NDUFS8: variants seen among roughly 807,000 people sequenced by gnomAD.
NDUFS8 encodes NADH:ubiquinone oxidoreductase core subunit S8.
A neutral mutation model predicts 25.6 loss-of-function variants in NDUFS8; 13 were observed. That is an observed-to-expected ratio of 0.51 (90% CI 0.33 to 0.81). NDUFS8 has a LOEUF of 0.81. Among genes scored for constraint, NDUFS8 ranks in the 30% least tolerant of loss-of-function variants. The pLI, the probability that NDUFS8 is intolerant of heterozygous loss-of-function variation, is 0.02. For missense variants in NDUFS8, 257 were observed against 300.9 expected (o/e 0.85, Z 1.08); for synonymous variants, 119 against 119.4 (o/e 1.00, Z 0.02).
rs191560418 is a variant in NDUFS8, at chr11:68,034,946, G to A, written c.373-1307G>A. ...TAGCCGGGTGTGGGGTTGCACACCT[G>A]TAGTCCCAGCTACTCAAGAGGCTGA... On this transcript the variant is annotated intron_variant, in intron 5 of 6. Coordinates refer to ENST00000313468, the MANE Select transcript of NDUFS8 (RefSeq NM_002496.4). 7.2e-4 allele frequency: 109 copies of A among 152,068 alleles called. 1 individual carries two copies. The highest frequency in any genetic ancestry group is 1.1e-3 in the Non-Finnish European group (77 of 68,016). The allele number at this position is 152,068 out of a possible 1,614,324, so 9.4% of individuals were successfully genotyped here.
At chr11:68,032,622 G>A in intron 3 of NDUFS8, 1 of 1,139,874 alleles carries the variant, frequency 8.8e-7, no homozygotes, top group Non-Finnish European at 1.2e-6. Context: ...CCCTGGTGAA[G>A]GCAAAGGCTC....
chr11:68,031,677 A>G (rs1854769703), intron 1 of NDUFS8: 2 of 272,042 alleles, frequency 7.4e-6, no homozygotes, highest in Non-Finnish European at 1.5e-5. Context: ...ACTGAGTCCC[A>G]GCGCCTTATT....
chr11:68,030,853 G>A (rs1854747186), intron 1 of NDUFS8, 120 bp downstream of exon 1: 2 of 439,888 alleles, frequency 4.5e-6, no homozygotes, highest in Admixed American at 4.8e-5. Context: ...GCTCACTCAG[G>A]ATCCGCGGCC....
chr11:68,034,895 C>A (rs918965936), intron 5 of NDUFS8: 8 of 151,926 alleles, frequency 5.3e-5, no homozygotes, highest in African/African-American at 1.9e-4. Flanking sequence ...ATGTTGAAAC[C>A]CCGTCTCTAG....
At chr11:68,036,094 C>A in intron 5 of NDUFS8, 159 bp from the exon 6 acceptor site, 1 of 1,175,098 alleles carries the variant, frequency 8.5e-7, no homozygotes, top group Non-Finnish European at 1.2e-6. Context: ...CAGGCGCGAG[C>A]ACCAGAGGTG....
rs752108298 is a variant in NDUFS8, at chr11:68,032,193, C to G, written c.42C>G (p.Ala14=). The change falls in exon 2 of 7, where the codon GCC becomes GCG. Residue 14 remains alanine, a synonymous_variant. Coordinates refer to ENST00000313468, the MANE Select transcript of NDUFS8 (RefSeq NM_002496.4). ...CGCCTATGCTGCTGCGGGCCCTGGC[C>G]CAGGCTGCACGTGCAGGTAGGACCA... is the stretch of plus-strand genomic sequence containing the variant. ...LTTPMLLRAL[A]QAARAGPPGG... is the part of the protein sequence containing the mutation. 4 of 1,613,144 alleles carry G rather than the reference C, an allele frequency of 2.5e-6. No homozygotes were observed. Among genetic ancestry groups the G allele is most frequent in the Non-Finnish European group, 3.4e-6 (4 of 1,180,032 alleles).
chr11:68,032,503 G>A, intron 3 of NDUFS8, 167 bp downstream of exon 3: 3 of 1,520,046 alleles, frequency 2.0e-6, no homozygotes, highest in Admixed American at 2.0e-5. Context: ...ATTCACAGGG[G>A]CAGGGTCCAT....
chr11:68,033,159 A>G lies in NDUFS8; in HGVS notation c.248A>G (p.Asn83Ser), dbSNP rs751858767. The G allele has an allele frequency of 6.2e-7, 1 of 1,612,780 alleles. No homozygotes were observed. Among genetic ancestry groups the G allele is most frequent in the African/African-American group, 1.3e-5 (1 of 75,028 alleles). ...SYLFREPATI[N>S]YPFEKGPLSP... ...CTGTTCCGGGAACCGGCCACCATCAACTACCCGTTCGAGAAGGGCCCGCTG... is the reference window on the plus strand; with the variant it reads ...CTGTTCCGGGAACCGGCCACCATCAGCTACCCGTTCGAGAAGGGCCCGCTG... Residue 83 changes from asparagine (N) to serine (S), a missense_variant, in exon 5 of 7, where the codon AAC becomes AGC. Transcript: ENST00000313468.
rs749069132 is a variant in NDUFS8 at position 68,032,225 on chromosome 11, C to G, written c.58+16C>G. The G allele has an allele frequency of 2.5e-6, 4 of 1,613,530 alleles. No homozygotes were observed. The African/African-American group carries it at 5.3e-5, about 22-fold the overall frequency. ...GCACGTGCAGGTAGGACCAAAGAAG[C>G]CTTTGCTGGGGGTAGGGGAGTCCAG... is the stretch of plus-strand genomic sequence containing the variant. On this transcript the variant is annotated intron_variant, in intron 2 of 6. Coordinates refer to ENST00000313468, the MANE Select transcript of NDUFS8 (RefSeq NM_002496.4).
intron 5 of NDUFS8, chr11:68,034,755 G>C (rs1854847881): frequency 6.9e-6 from 1 of 145,476 alleles, no homozygotes; most frequent in Non-Finnish European, 1.5e-5. Context: ...GGGGGTTGCA[G>C]TGAGCCAAAA....
At chr11:68,035,685 G>A (rs765727744) in intron 5 of NDUFS8, 17 of 455,370 alleles carry the variant, frequency 3.7e-5, no homozygotes, top group African/African-American at 1.2e-4. Context: ...CAGCCCCCTC[G>A]TGAGAGGGGG....
In NDUFS8 at chr11:68,033,244, C is replaced by T. The variant is rs766267720; in HGVS notation, c.333C>T (p.Cys111=). 3 of 1,610,790 alleles carry T rather than the reference C, an allele frequency of 1.9e-6. No homozygotes were observed. The highest frequency in any genetic ancestry group is 2.7e-5 in the African/African-American group (2 of 74,920). The part of the protein sequence containing the change: ...LRRYPSGEER[C]IACKLCEAIC... ...GGTACCCATCCGGGGAGGAGCGTTGCATTGCCTGCAAGCTCTGCGAGGCCA... is the reference window on the plus strand; with the variant it reads ...GGTACCCATCCGGGGAGGAGCGTTGTATTGCCTGCAAGCTCTGCGAGGCCA... The change falls in exon 5 of 7, where the codon TGC becomes TGT. Residue 111 remains cysteine, a synonymous_variant. Coordinates refer to ENST00000313468, the MANE Select transcript of NDUFS8 (RefSeq NM_002496.4).
chr11:68,031,465 A>G (rs565514592), intron 1 of NDUFS8: 2 of 160,826 alleles, frequency 1.2e-5, no homozygotes, highest in East Asian at 1.8e-4. Flanking sequence ...TCCTACCTCA[A>G]CCTCCCGAGT....
At chr11:68,034,277 AG>A (rs1854836743) in intron 5 of NDUFS8, 2 of 152,228 alleles carry the variant, frequency 1.3e-5, no homozygotes, top group African/African-American at 2.4e-5. Context: ...CGGGCTACCC[AG>A]GAACTGAGAG....
intron 1 of NDUFS8, among the ~76,000 whole-genome samples, chr11:68,031,891 A>G (rs1465022088): frequency 6.6e-6 from 1 of 152,234 alleles, no homozygotes; most frequent in Non-Finnish European, 1.5e-5. Flanking sequence ...GGAGAAAGGA[A>G]GGATGGATTT....
In NDUFS8 at chr11:68,032,343, A is replaced by G; in HGVS notation, c.109+7A>G. On this transcript the variant is annotated splice_region_variant and intron_variant, in intron 3 of 6. Coordinates refer to ENST00000313468, the MANE Select transcript of NDUFS8 (RefSeq NM_002496.4). Reference sequence around the variant, plus strand: ...GCAGTGGCAGCCACCTACAGTGAGTACCTGGGTGGCCTCTAGCCTCAGGTG... The same window carrying G: ...GCAGTGGCAGCCACCTACAGTGAGTGCCTGGGTGGCCTCTAGCCTCAGGTG... 6.2e-7 allele frequency: 1 copy of G among 1,612,918 alleles called. No homozygotes were observed. The highest frequency in any genetic ancestry group is 8.5e-7 in the Non-Finnish European group (1 of 1,179,980).
Position 68,036,592 on chromosome 11 carries a change from G to T in NDUFS8, c.632G>T (p.Ter211LeuextTer?). The change falls in exon 7 of 7, where the codon TGA (stop) becomes TTA (leucine). Residue 211 changes from the stop codon to leucine, a stop_lost. Coordinates refer to ENST00000313468, the MANE Select transcript of NDUFS8 (RefSeq NM_002496.4). The part of the protein sequence containing the change: ...ANIQADYLYR[*>L] ...ATCCAGGCTGACTACTTGTATCGGTGACGCCCCACCGGCCCGCAGCCCCTG... is the reference window on the plus strand; with the variant it reads ...ATCCAGGCTGACTACTTGTATCGGTTACGCCCCACCGGCCCGCAGCCCCTG... 1 of 1,613,626 alleles carries T rather than the reference G, an allele frequency of 6.2e-7. No homozygotes were observed. The highest frequency in any genetic ancestry group is 1.1e-5 in the South Asian group (1 of 91,046).
chr11:68,034,571 G>A (rs1239914970), intron 5 of NDUFS8: 1 of 152,172 alleles, frequency 6.6e-6, no homozygotes, highest in Non-Finnish European at 1.5e-5. Context: ...CCAGCACTTT[G>A]AGAAGCCGAG....
At chr11:68,034,646 C>G (rs749285853) in intron 5 of NDUFS8, 8 of 151,324 alleles carry the variant, frequency 5.3e-5, no homozygotes, top group Non-Finnish European at 1.2e-4. Context: ...AACCCCGTCT[C>G]TACTAAAAAT....
Sources: gnomAD v4.1 joint callset for allele counts (sites outside exome capture counted in the v4.1 genomes callset) on GRCh38, gnomAD v4.1.1 for gene constraint, MANE v1.5 for transcripts, NCBI Gene and HGNC (gene_info 2026-07-23, HGNC 2026-07-21) for gene names.